Variants in ZNF804B observed in about 807,000 individuals in gnomAD.
ZNF804B encodes the protein zinc finger protein 804B.
Under a neutral mutation model 101.4 loss-of-function variants are expected in ZNF804B, and 80 were observed. That is an observed-to-expected ratio of 0.79 (90% confidence interval 0.66 to 0.95). The LOEUF (loss-of-function observed/expected upper bound fraction) is 0.95, where lower values mean the gene tolerates loss of function less well. ZNF804B is among the 40% of genes least tolerant of loss of function. The probability of loss-of-function intolerance (pLI) is 0.00; values close to 1 mark genes in which losing one functional copy is unlikely to be tolerated. For missense variants in ZNF804B, 1,673 were observed against 1,561.9 expected (o/e 1.07, Z -1.20); for synonymous variants, 622 against 558.8 (o/e 1.11, Z -1.59).
chr7:89,154,806 T>C (rs1005715606), intron 1 of ZNF804B, among the ~76,000 whole-genome samples: 1 of 152,078 alleles, frequency 6.6e-6, no homozygotes, highest in African/African-American at 2.4e-5. Flanking sequence ...TACTATTTGA[T>C]AGCACATCAG....
intron 1 of ZNF804B, 130 bp from the exon 2 acceptor site, chr7:89,218,025 T>C: frequency 1.2e-6 from 1 of 839,384 alleles, no homozygotes; most frequent in Non-Finnish European, 1.8e-6. Context: ...ATTCTCACAG[T>C]GTCATGAATT....
rs564858522 is a variant in ZNF804B, at chr7:89,086,987, T to TA, written c.109-131159dup. On this transcript the variant is annotated intron_variant, in intron 1 of 3. Transcript: ENST00000333190. ...CCTAAAACTTAAAGTATAATGATAA[T>TA]AAAAAAAAATTGTAGTGCCAAAAGG... Among the ~76,000 whole-genome samples the TA allele has an allele frequency of 2.4e-3, 298 of 123,462 alleles. 1 individual carries two copies. Among genetic ancestry groups the TA allele is most frequent in the Admixed American group, 4.4e-3 (54 of 12,380 alleles). 81.0% of individuals were successfully genotyped at this position (123,462 alleles called of 152,430 possible). A position where few individuals can be genotyped will look rare whatever the true frequency, so the allele number is the denominator to read the frequency against.
chr7:89,067,715 G>C (rs925738194), intron 1 of ZNF804B, among the ~76,000 whole-genome samples: 4 of 152,128 alleles, frequency 2.6e-5, no homozygotes, highest in African/African-American at 7.2e-5. Context: ...CCAGTAGTTA[G>C]CCACAGGGGC....
chr7:89,125,307 AAGATAT>A (rs72416616), intron 1 of ZNF804B, among the ~76,000 whole-genome samples: 28,599 of 151,610 alleles, frequency 0.19, 3,066 homozygotes, highest in African/African-American at 0.31. Flanking sequence ...CTCTATCATG[AAGATAT>A]AGATATTGAT....
At chr7:89,325,806 C>A (rs1206928994) in intron 2 of ZNF804B, among the ~76,000 whole-genome samples, 1 of 151,870 alleles carries the variant, frequency 6.6e-6, no homozygotes, top group African/African-American at 2.4e-5. Context: ...AAAACCCTCT[C>A]CTTTTTTTCC....
intron 1 of ZNF804B, among the ~76,000 whole-genome samples, chr7:88,817,529 T>C (rs1189384281): frequency 6.6e-6 from 1 of 152,138 alleles, no homozygotes; most frequent in African/African-American, 2.4e-5. Context: ...TATTAGTGAC[T>C]TGCTCTCTAT....
intron 1 of ZNF804B, among the ~76,000 whole-genome samples, chr7:89,014,227 T>C (rs1390024871): frequency 1.3e-5 from 2 of 152,208 alleles, no homozygotes; most frequent in African/African-American, 4.8e-5. Context: ...TTTTTTTCTT[T>C]TTGATAATAG....
intron 1 of ZNF804B, among the ~76,000 whole-genome samples, chr7:88,878,215 T>C (rs1485409125): frequency 1.3e-5 from 2 of 152,166 alleles, no homozygotes; most frequent in Non-Finnish European, 2.9e-5. Context: ...TTGGTACCTT[T>C]TTTATGACAA....
At chr7:88,931,148 T>C (rs992567872) in intron 1 of ZNF804B, among the ~76,000 whole-genome samples, 13 of 152,058 alleles carry the variant, frequency 8.5e-5, no homozygotes, top group African/African-American at 2.6e-4. Context: ...GTATAAACTT[T>C]CCTGAGAAAG....
chr7:89,044,711 C>A (rs948010049), intron 1 of ZNF804B, among the ~76,000 whole-genome samples: 3 of 152,104 alleles, frequency 2.0e-5, no homozygotes, highest in Admixed American at 2.0e-4. Flanking sequence ...CCCTAGAGAT[C>A]TGAGGAACTT....
intron 1 of ZNF804B, among the ~76,000 whole-genome samples, chr7:89,195,092 A>C (rs1338860630): frequency 6.6e-6 from 1 of 151,648 alleles, no homozygotes; most frequent in Non-Finnish European, 1.5e-5. Flanking sequence ...CAAAAACCAC[A>C]TGATTATCTC....
At chr7:88,802,069 A>G (rs758113669) in intron 1 of ZNF804B, among the ~76,000 whole-genome samples, 10 of 151,978 alleles carry the variant, frequency 6.6e-5, no homozygotes, top group Non-Finnish European at 1.5e-4. Context: ...TTCTCAGGAA[A>G]TCTGATGGCT....
chr7:88,780,620 C>G (rs994969548), intron 1 of ZNF804B, among the ~76,000 whole-genome samples: 1 of 151,920 alleles, frequency 6.6e-6, no homozygotes, highest in African/African-American at 2.4e-5. Flanking sequence ...CACCTGGGCT[C>G]AAGCGATCCG....
chr7:89,337,206 AT>A lies in ZNF804B; in HGVS notation c.*180del, dbSNP rs1791111469. On this transcript the variant is annotated 3_prime_UTR_variant, in exon 4 of 4. Transcript: ENST00000333190. ...ATACTAAAACAAGAGCATTTTAATA[AT>A]TTTTTAGCTTGCCAAAATAATAGGC... The A allele has an allele frequency of 1.3e-6, 1 of 742,254 alleles. No individual in the cohort carries two copies. The highest frequency in any genetic ancestry group is 2.0e-6 in the Non-Finnish European group (1 of 489,798). The allele number at this position is 742,254 out of a possible 1,614,324, so 46.0% of individuals were successfully genotyped here.
chr7:89,023,596 T>A (rs572535578), intron 1 of ZNF804B, among the ~76,000 whole-genome samples: 199 of 152,324 alleles, frequency 1.3e-3, no homozygotes, highest in African/African-American at 4.6e-3. Flanking sequence ...TCACTGGGTA[T>A]GTAGACTTGC....
At chr7:89,272,772 A>G (rs2115843508) in intron 2 of ZNF804B, among the ~76,000 whole-genome samples, 1 of 152,222 alleles carries the variant, frequency 6.6e-6, no homozygotes, top group South Asian at 2.1e-4. Flanking sequence ...TTTTCTTAAA[A>G]GAAACAATGT....
intron 2 of ZNF804B, among the ~76,000 whole-genome samples, chr7:89,291,509 T>C (rs575725670): frequency 6.6e-6 from 1 of 152,060 alleles, no homozygotes; most frequent in Non-Finnish European, 1.5e-5. Context: ...GATCAGTCTT[T>C]TAATATCAGA....
intron 1 of ZNF804B, among the ~76,000 whole-genome samples, chr7:89,212,325 T>A (rs1414942619): frequency 1.3e-5 from 2 of 151,540 alleles, no homozygotes; most frequent in African/African-American, 4.9e-5. Context: ...TGAGTACCTA[T>A]ATAGGGGAAG....
chr7:88,950,926 ATT>A (rs5885646), intron 1 of ZNF804B, among the ~76,000 whole-genome samples: 47 of 149,814 alleles, frequency 3.1e-4, no homozygotes, highest in African/African-American at 2.7e-4. Context: ...AAGTGAGCTA[ATT>A]TTTTTTTTTT....
Sources: allele counts gnomAD v4.1 joint callset (sites outside exome capture counted in the v4.1 genomes callset), GRCh38; gene constraint gnomAD v4.1.1; transcripts MANE v1.5; gene names NCBI Gene and HGNC (gene_info 2026-07-23, HGNC 2026-07-21).